SPATS1: variants seen among roughly 807,000 people sequenced by gnomAD.
SPATS1 encodes spermatogenesis-associated serine-rich protein 1.
SPATS1 carries 23 observed loss-of-function variants against 33.6 expected under a neutral mutation model. The observed-to-expected ratio is 0.68, with a 90% CI of 0.49 to 0.97. The LOEUF (loss-of-function observed/expected upper bound fraction) is 0.97, where lower values mean the gene tolerates loss of function less well. Ranked by LOEUF, SPATS1 falls within the 50% of genes least tolerant of loss-of-function variation. The pLI is 0.00. For synonymous variants in SPATS1, 131 were observed against 125.6 expected, an observed-to-expected ratio of 1.04 and a Z score of -0.29; for missense variants, 327 against 361.0, an observed-to-expected ratio of 0.91 and a Z score of 0.76.
intron 5 of SPATS1, among the ~76,000 whole-genome samples, chr6:44,363,079 C>T (rs370425161): frequency 2.0e-5 from 3 of 151,880 alleles, no homozygotes; most frequent in African/African-American, 7.3e-5. Context: ...TCAGGTGATT[C>T]GCCTGCCTCG....
At chr6:44,353,554 G>A (rs559420313) in intron 3 of SPATS1, among the ~76,000 whole-genome samples, 2 of 152,062 alleles carry the variant, frequency 1.3e-5, no homozygotes, top group Non-Finnish European at 1.5e-5. Flanking sequence ...CCGGGCTAAC[G>A]TTTTGTTTCT....
In SPATS1 at chr6:44,368,447, A is replaced by G. The variant is rs762220856; in HGVS notation, c.643A>G (p.Ser215Gly). ...CAATCCATATATGTACCCAGAACAG[A>G]GTAAAGGCTTCCACAAAGCAGGATC... ...GDNPYMYPEQ[S>G]KGFHKAGSML... The change falls in exon 6 of 9, where the codon AGT (serine) becomes GGT (glycine). Residue 215 changes from serine (S) to glycine (G), a missense_variant. Coordinates refer to ENST00000674044, the MANE Select transcript of SPATS1 (RefSeq NM_001372081.1). 1.2e-6 allele frequency: 2 copies of G among 1,613,632 alleles called. No homozygotes were observed. The highest frequency in any genetic ancestry group is 4.5e-5 in the East Asian group (2 of 44,858).
chr6:44,350,293 G>C (rs1486624317), intron 2 of SPATS1, among the ~76,000 whole-genome samples: 2 of 152,206 alleles, frequency 1.3e-5, no homozygotes, highest in Admixed American at 6.5e-5. Context: ...ATCTGGAAGT[G>C]GAACTGGATA....
intron 3 of SPATS1, among the ~76,000 whole-genome samples, chr6:44,358,340 A>G (rs2153367199): frequency 6.6e-6 from 1 of 152,338 alleles, no homozygotes; most frequent in Non-Finnish European, 1.5e-5. Context: ...ACCAGAAGTG[A>G]TTGCATTTTC....
intron 2 of SPATS1, among the ~76,000 whole-genome samples, chr6:44,350,033 T>G (rs1173425578): frequency 6.6e-6 from 1 of 152,192 alleles, no homozygotes; most frequent in African/African-American, 2.4e-5. Flanking sequence ...TGGGCTTGAC[T>G]CCATCCCAGT....
At chr6:44,358,241 G>A (rs920849897) in intron 3 of SPATS1, among the ~76,000 whole-genome samples, 1 of 152,208 alleles carries the variant, frequency 6.6e-6, no homozygotes, top group Non-Finnish European at 1.5e-5. Flanking sequence ...GTGACGCATT[G>A]TTATGAAAAA....
intron 2 of SPATS1, among the ~76,000 whole-genome samples, chr6:44,348,491 C>T (rs977928980): frequency 1.8e-4 from 27 of 151,426 alleles, no homozygotes; most frequent in African/African-American, 5.8e-4. Flanking sequence ...CAACTTGGCT[C>T]ATTCATTTTG....
chr6:44,375,778 G>A (rs780708642), intron 7 of SPATS1, among the ~76,000 whole-genome samples: 20 of 150,276 alleles, frequency 1.3e-4, no homozygotes, highest in Admixed American at 5.3e-4. Context: ...CTCCAGCCTG[G>A]GCGACAGAGT....
chr6:44,360,604 G>A (rs1320693934), intron 4 of SPATS1, 34 bp downstream of exon 4: 2 of 1,611,610 alleles, frequency 1.2e-6, no homozygotes, highest in South Asian at 1.1e-5. Flanking sequence ...ATGCTTCTGT[G>A]CCCCAGGTCT....
At chr6:44,368,583 G>T in intron 6 of SPATS1, 84 bp downstream of exon 6, 1 of 1,303,386 alleles carries the variant, frequency 7.7e-7, no homozygotes, top group East Asian at 2.4e-5. Flanking sequence ...TATTTTAAAA[G>T]GGATAGATGT....
intron 4 of SPATS1, among the ~76,000 whole-genome samples, chr6:44,361,102 C>A (rs1301577186): frequency 6.6e-6 from 1 of 152,126 alleles, no homozygotes; most frequent in African/African-American, 2.4e-5. Context: ...AGCCACATGG[C>A]CAGGAAGTAG....
intron 5 of SPATS1, among the ~76,000 whole-genome samples, chr6:44,363,609 TTTC>T (rs1789054503): frequency 6.6e-6 from 1 of 152,264 alleles, no homozygotes; most frequent in East Asian, 1.9e-4. Context: ...TTTCTTTTTC[TTTC>T]TTCTCCTTTC....
intron 5 of SPATS1, among the ~76,000 whole-genome samples, chr6:44,367,114 G>A (rs962218904): frequency 6.6e-6 from 1 of 152,170 alleles, no homozygotes; most frequent in Non-Finnish European, 1.5e-5. Flanking sequence ...TTGAGACAGA[G>A]TCTCATTCTA....
intron 2 of SPATS1, among the ~76,000 whole-genome samples, chr6:44,351,135 AAAAAAAAAAG>A (rs1294550462): frequency 1.7e-3 from 250 of 151,152 alleles, no homozygotes; most frequent in African/African-American, 5.3e-3. Context: ...AAAAAAAAAA[AAAAAAAAAAG>A]AAAAAAGAAA....
intron 3 of SPATS1, among the ~76,000 whole-genome samples, chr6:44,354,037 C>CAA (rs34531075): frequency 0.6 from 59,146 of 98,712 alleles, 18,436 homozygotes; most frequent in Non-Finnish European, 0.7. Flanking sequence ...GACTTCGCCT[C>CAA]AAAAAAAAAA....
At chr6:44,359,250 T>C (rs1233157309) in intron 3 of SPATS1, among the ~76,000 whole-genome samples, 1 of 152,160 alleles carries the variant, frequency 6.6e-6, no homozygotes, top group Admixed American at 6.5e-5. Flanking sequence ...CATGAGCCAC[T>C]GCGCCTGCCT....
chr6:44,346,751 C>A (rs1202853806), intron 2 of SPATS1, among the ~76,000 whole-genome samples: 1 of 151,916 alleles, frequency 6.6e-6, no homozygotes, highest in African/African-American at 2.4e-5. Context: ...TATTTATTTT[C>A]ATCTTATAAA....
intron 5 of SPATS1, among the ~76,000 whole-genome samples, chr6:44,366,054 C>G (rs1183460883): frequency 6.6e-6 from 1 of 152,006 alleles, no homozygotes; most frequent in African/African-American, 2.4e-5. Context: ...ACTGACATCA[C>G]ACCATTGCCT....
intron 5 of SPATS1, among the ~76,000 whole-genome samples, chr6:44,366,128 T>TATA (rs11434378): frequency 0.029 from 3,482 of 120,196 alleles, 54 homozygotes; most frequent in Middle Eastern, 0.056. Flanking sequence ...TATATATATA[T>TATA]TTTTTTTTTT....
Sources: gnomAD v4.1 joint callset for allele counts (sites outside exome capture counted in the v4.1 genomes callset) on GRCh38, gnomAD v4.1.1 for gene constraint, MANE v1.5 for transcripts, NCBI Gene and HGNC (gene_info 2026-07-23, HGNC 2026-07-21) for gene names.